Variants in GSTT4 observed in about 807,000 individuals in gnomAD.
The protein encoded by GSTT4 is glutathione S-transferase theta 4, also known as glutathione S-transferase theta-4.
At chr22:23,997,854 G>C (rs1174830899), downstream of GSTT4, among the ~76,000 whole-genome samples, 5 of 152,042 alleles carry the variant, frequency 3.3e-5, no homozygotes, top group African/African-American at 1.2e-4. Context: ...ATAAATCTGG[G>C]CATGTTGTGT....
At chr22:24,000,676 A>T (rs587616806) in intron 3 of GSTT4, among the ~76,000 whole-genome samples, 1 of 144,446 alleles carries the variant, frequency 6.9e-6, no homozygotes, top group Non-Finnish European at 1.5e-5. Context: ...GTCCTGCCTC[A>T]GCGTCCTGAG....
At chr22:23,995,461 A>G (rs944670331), downstream of GSTT4, among the ~76,000 whole-genome samples, 2 of 151,960 alleles carry the variant, frequency 1.3e-5, no homozygotes, top group Admixed American at 1.3e-4. Context: ...ACTTTATCCA[A>G]TCGTTCAACA....
At chr22:23,991,293 G>A in the GSTT4 span, 2 of 110,458 alleles carry the variant, frequency 1.8e-5, 1 homozygote, top group Non-Finnish European at 4.4e-5. Context: ...GGACAGGCAG[G>A]GATTCGTGGC....
At chr22:23,992,820 C>G in the GSTT4 span, among the ~76,000 whole-genome samples, 12 of 151,018 alleles carry the variant, frequency 7.9e-5, no homozygotes, top group East Asian at 1.9e-3. Flanking sequence ...GTTGCCCAGG[C>G]TGGAATGAGT....
At chr22:24,004,005 T>C (rs960095315) in intron 1 of GSTT4, among the ~76,000 whole-genome samples, 158 bp from the exon 2 acceptor site, 10 of 152,270 alleles carry the variant, frequency 6.6e-5, no homozygotes, top group Non-Finnish European at 1.0e-4. Flanking sequence ...GGCAAGGCAG[T>C]TGCAGAACCG....
At chr22:24,000,331 C>T (rs2034202249) in intron 3 of GSTT4, 80 bp from the exon 4 acceptor site, 1 of 151,458 alleles carries the variant, frequency 6.6e-6, no homozygotes, top group Admixed American at 6.6e-5. Context: ...GTACTCTTGT[C>T]TGCTGGATAG....
chr22:23,998,077 A>G (rs1319714528), downstream of GSTT4, among the ~76,000 whole-genome samples: 4 of 152,212 alleles, frequency 2.6e-5, no homozygotes, highest in Non-Finnish European at 5.9e-5. Flanking sequence ...AGGACCAAAT[A>G]TATGCTCTAT....
chr22:24,003,753 G>A lies in GSTT4; in HGVS notation c.200+7C>T, dbSNP rs1367349423. On this transcript the variant is annotated splice_region_variant and intron_variant, in intron 2 of 4. Transcript: ENST00000621179. ...CAGATGGTGCAAGGGCCCCAGGGAA[G>A]ACTTACCTTTCACTTAAGATAAATT... The A allele has an allele frequency of 6.4e-6, 1 of 155,496 alleles. No homozygotes were observed. Among genetic ancestry groups the A allele is most frequent in the Non-Finnish European group, 1.5e-5 (1 of 68,440 alleles). 9.6% of individuals were successfully genotyped at this position (155,496 alleles called of 1,614,324 possible).
downstream of GSTT4, among the ~76,000 whole-genome samples, chr22:23,994,136 C>T (rs1417913397): frequency 1.3e-5 from 2 of 150,454 alleles, no homozygotes; most frequent in Non-Finnish European, 3.0e-5. Flanking sequence ...TTCAAATTTA[C>T]ACTTCAGAAT....
intron 2 of GSTT4, among the ~76,000 whole-genome samples, chr22:24,003,084 G>T (rs2034270389): frequency 6.6e-6 from 1 of 152,212 alleles, no homozygotes; most frequent in Admixed American, 6.5e-5. Flanking sequence ...ATCCTCCCGT[G>T]TCAGCCTCTG....
downstream of GSTT4, among the ~76,000 whole-genome samples, chr22:23,993,883 T>C (rs914762573): frequency 1.3e-5 from 2 of 152,172 alleles, no homozygotes; most frequent in Non-Finnish European, 2.9e-5. Flanking sequence ...GGCCATCGTC[T>C]CTCCTCAGGC....
chr22:24,003,399 G>A (rs944608540), intron 2 of GSTT4, among the ~76,000 whole-genome samples: 3 of 37,200 alleles, frequency 8.1e-5, no homozygotes, highest in Non-Finnish European at 8.1e-5. Context: ...TTGTAGAGAT[G>A]GGGTTTTGCC....
downstream of GSTT4, among the ~76,000 whole-genome samples, chr22:23,994,626 T>C (rs2034098360): frequency 6.9e-6 from 1 of 145,952 alleles, no homozygotes; most frequent in South Asian, 2.3e-4. Flanking sequence ...CTGAATAATA[T>C]TCAATTTTAT....
intron 3 of GSTT4, among the ~76,000 whole-genome samples, chr22:24,000,972 A>G (rs2034217788): frequency 9.9e-6 from 1 of 101,170 alleles, no homozygotes; most frequent in Admixed American, 1.1e-4. Flanking sequence ...TCGCCCTAAT[A>G]AGACTCTTTC....
chr22:24,004,498 T>A (rs2034307823), intron 1 of GSTT4: 1 of 153,940 alleles, frequency 6.5e-6, no homozygotes, highest in African/African-American at 2.4e-5. Context: ...GTGCTGGGGA[T>A]GGAGTTGGAG....
At chr22:24,003,927 CCTCT>C (rs1416184062) in intron 1 of GSTT4, 80 bp from the exon 2 acceptor site, 9 of 154,030 alleles carry the variant, frequency 5.8e-5, no homozygotes, top group Admixed American at 1.3e-4. Context: ...CAAACGCCTC[CCTCT>C]CTATTTTCTC....
At position 23,998,635 on chromosome 22, in the gene GSTT4, A is replaced by G. The variant is rs200268424; in HGVS notation, c.633T>C (p.His211=). The G allele has an allele frequency of 1.9e-3, 292 of 155,042 alleles. 1 individual carries two copies. The highest frequency in any genetic ancestry group is 3.7e-3 in the Non-Finnish European group (253 of 68,120). 9.6% of individuals were successfully genotyped at this position (155,042 alleles called of 1,614,324 possible). The change falls in exon 5 of 5, where the codon CAT becomes CAC. Residue 211 remains histidine (H), a synonymous_variant. Transcript: ENST00000621179. Reference sequence around the variant, plus strand: ...AGTCGGCCAACTGCATTAGTCGATCATGGGCCTCCCTAAAGAGGCCAGAGC... The same window carrying G: ...AGTCGGCCAACTGCATTAGTCGATCGTGGGCCTCCCTAAAGAGGCCAGAGC... ...NIGSGLFREA[H]DRLMQLADWD...
chr22:23,993,830 C>T (rs1016086815), downstream of GSTT4, among the ~76,000 whole-genome samples: 33 of 148,842 alleles, frequency 2.2e-4, no homozygotes, highest in African/African-American at 7.6e-4. Context: ...TATGTGTGGA[C>T]AAGGAGATAG....
the GSTT4 span, among the ~76,000 whole-genome samples, chr22:23,990,727 C>T: frequency 9.1e-5 from 9 of 98,638 alleles, 2 homozygotes; most frequent in African/African-American, 1.3e-4. Context: ...TAGGAAACAA[C>T]GAGGCAGTTT....
Sources: allele counts gnomAD v4.1 joint callset (sites outside exome capture counted in the v4.1 genomes callset), GRCh38; gene constraint gnomAD v4.1.1; transcripts MANE v1.5; gene names NCBI Gene and HGNC (gene_info 2026-07-23, HGNC 2026-07-21).